The following ETV7 variants were observed in gnomAD, a reference collection of about 807,000 sequenced individuals.
The protein encoded by ETV7 is ETS variant transcription factor 7, also known as transcription factor ETV7.
Under a neutral mutation model 39.1 loss-of-function variants are expected in ETV7, and 43 were observed. The observed-to-expected ratio is 1.10, with a 90% CI of 0.86 to 1.42. The LOEUF is 1.42. Among genes scored for constraint, ETV7 ranks in the 40% most tolerant of loss-of-function variants. The pLI, the probability that ETV7 is intolerant of heterozygous loss-of-function variation, is 0.00. For synonymous variants in ETV7, 196 were observed against 176.6 expected (o/e 1.11, Z -0.87); for missense variants, 432 against 442.3 (o/e 0.98, Z 0.21).
intron 2 of ETV7, 76 bp downstream of exon 2, chr6:36,385,458 A>G: frequency 6.3e-7 from 1 of 1,586,488 alleles, no homozygotes; most frequent in Non-Finnish European, 8.6e-7. Context: ...AGTAAGCAAC[A>G]GAGCAAGACC....
At chr6:36,376,224 G>T (rs1561911604) in intron 2 of ETV7, among the ~76,000 whole-genome samples, 189 bp from the exon 3 acceptor site, 2 of 151,750 alleles carry the variant, frequency 1.3e-5, no homozygotes, top group African/African-American at 4.9e-5. Context: ...ACATTGGATA[G>T]AATTATGTGT....
At chr6:36,375,755 G>C (rs2127394731) in intron 3 of ETV7, 116 bp downstream of exon 3, 1 of 1,523,750 alleles carries the variant, frequency 6.6e-7, no homozygotes, top group East Asian at 2.3e-5. Flanking sequence ...CTGGAAATGA[G>C]CATGATTCCC....
downstream of ETV7, among the ~76,000 whole-genome samples, chr6:36,363,467 G>A (rs1036121342): frequency 6.7e-5 from 10 of 149,050 alleles, no homozygotes; most frequent in African/African-American, 2.3e-4. Context: ...CACATCTGGA[G>A]TCATTCATTC....
intron 2 of ETV7, among the ~76,000 whole-genome samples, chr6:36,381,143 T>C (rs1773630932): frequency 6.6e-6 from 1 of 152,126 alleles, no homozygotes. Flanking sequence ...AGCTGGCTTC[T>C]CCCTACCTTG....
intron 7 of ETV7, among the ~76,000 whole-genome samples, chr6:36,359,827 T>C (rs1454460353): frequency 1.3e-5 from 2 of 152,222 alleles, no homozygotes; most frequent in African/African-American, 2.4e-5. Context: ...TCTTTCATTT[T>C]ACAAAAGTAG....
intron 5 of ETV7, among the ~76,000 whole-genome samples, chr6:36,370,179 A>G (rs539212435): frequency 7.4e-4 from 112 of 152,252 alleles, no homozygotes; most frequent in African/African-American, 2.6e-3. Context: ...TGGACATAAC[A>G]ATGGGAACAA....
At chr6:36,385,735 T>C (rs1297607567) in intron 1 of ETV7, 66 bp from the exon 2 acceptor site, 3 of 1,529,504 alleles carry the variant, frequency 2.0e-6, no homozygotes, top group Non-Finnish European at 1.7e-6. Flanking sequence ...CATCTTTAAA[T>C]GTCTTAAGAA....
At chr6:36,369,116 G>A in intron 5 of ETV7, 45 bp from the exon 6 acceptor site, 1 of 1,610,868 alleles carries the variant, frequency 6.2e-7, no homozygotes, top group Non-Finnish European at 8.5e-7. Context: ...CTTTACTGGA[G>A]CTGTGAGGAC....
intron 2 of ETV7, among the ~76,000 whole-genome samples, chr6:36,381,929 C>T (rs1428741024): frequency 6.6e-6 from 1 of 152,174 alleles, no homozygotes; most frequent in Non-Finnish European, 1.5e-5. Flanking sequence ...TCTTTATCCT[C>T]ATATTAATAG....
At position 36,366,922 on chromosome 6, in the gene ETV7, AT is replaced by A; in HGVS notation, c.860del (p.Tyr287LeufsTer19). ...GTTCCTTCTTAATGATATTAAGCTT[AT>A]AATAGTGGCGCAGGGCACGAGACAT... ...EKMSRALRHY[Y>X]KLNIIKKEPG... On this transcript the variant is annotated frameshift_variant, in exon 7 of 8. Transcript: ENST00000340181. LOFTEE classifies it low-confidence loss of function (END_TRUNC). 1 of 1,613,960 alleles carries A rather than the reference AT, an allele frequency of 6.2e-7. No individual in the cohort carries two copies. Among genetic ancestry groups the A allele is most frequent in the East Asian group, 2.2e-5 (1 of 44,872 alleles).
At chr6:36,358,589 C>A (rs1772398537) in intron 7 of ETV7, among the ~76,000 whole-genome samples, 1 of 152,258 alleles carries the variant, frequency 6.6e-6, no homozygotes, top group Non-Finnish European at 1.5e-5. Flanking sequence ...TCCCCATCCC[C>A]CAAACCCTAA....
In ETV7 at chr6:36,375,023, C is replaced by T. The variant is rs193214741; in HGVS notation, c.307+848G>A. Among the ~76,000 whole-genome samples the T allele has an allele frequency of 1.7e-3, 257 of 149,378 alleles. 1 individual carries two copies. The highest frequency in any genetic ancestry group is 5.9e-3 in the African/African-American group (240 of 40,380). ...GGCAGAGGTTGCAGTGAGCCAGGAT[C>T]GCGCCACTACACTCCAGCCTGGGCG... is the stretch of plus-strand genomic sequence containing the variant. On this transcript the variant is annotated intron_variant, in intron 3 of 7. Transcript: ENST00000340181.
downstream of ETV7, among the ~76,000 whole-genome samples, chr6:36,363,169 A>T (rs1011884856): frequency 1.9e-4 from 29 of 152,320 alleles, no homozygotes; most frequent in Admixed American, 1.6e-3. Context: ...GGTCTCACTG[A>T]CTTCAAGAAT....
intron 6 of ETV7, among the ~76,000 whole-genome samples, chr6:36,367,759 A>G (rs1388932452): frequency 2.6e-5 from 4 of 151,964 alleles, no homozygotes; most frequent in African/African-American, 9.7e-5. Flanking sequence ...TGTGGCATCA[A>G]TTTAAGCCCC....
chr6:36,371,218 C>T lies in ETV7; in HGVS notation c.664+112G>A, dbSNP rs1226898723. 2.9e-5 allele frequency: 31 copies of T among 1,078,032 alleles called. No individual in the cohort carries two copies. In the East Asian group the frequency reaches 8.0e-4, roughly 28 times the overall value. 66.8% of individuals were successfully genotyped at this position (1,078,032 alleles called of 1,614,324 possible). ...CAGTCAACGCTACCCTGCAATCCCC[C>T]AGCCACAGACCTCCCATCACCAGGT... On this transcript the variant is annotated intron_variant, in intron 5 of 7. Transcript: ENST00000340181.
chr6:36,378,338 T>C (rs1773481513), intron 2 of ETV7, among the ~76,000 whole-genome samples: 1 of 151,116 alleles, frequency 6.6e-6, no homozygotes, highest in African/African-American at 2.4e-5. Flanking sequence ...TGTAGGTAGA[T>C]TAAAGGCATA....
chr6:36,364,695 A>C (rs1182685), downstream of ETV7, among the ~76,000 whole-genome samples: 152,286 of 152,286 alleles, frequency 1, 76,143 homozygotes, highest in Non-Finnish European at 1. Context: ...CAGCGGTGGG[A>C]TGAAGGGCTC....
chr6:36,386,436 G>A (rs7745687), intron 1 of ETV7, among the ~76,000 whole-genome samples: 45,824 of 151,912 alleles, frequency 0.3, 6,970 homozygotes, highest in East Asian at 0.39. Flanking sequence ...TCAACAATCA[G>A]CATGGCCCCC....
At chr6:36,358,630 G>A (rs1772399410) in intron 7 of ETV7, among the ~76,000 whole-genome samples, 3 of 152,214 alleles carry the variant, frequency 2.0e-5, no homozygotes, top group Admixed American at 2.0e-4. Flanking sequence ...CCTTGTGGGG[G>A]TGGTGGAGAA....
Sources: allele counts gnomAD v4.1 joint callset (sites outside exome capture counted in the v4.1 genomes callset), GRCh38; gene constraint gnomAD v4.1.1; transcripts MANE v1.5; gene names NCBI Gene and HGNC (gene_info 2026-07-23, HGNC 2026-07-21).